Variants in CHCHD3 observed in about 807,000 individuals in gnomAD.
CHCHD3 encodes the protein MICOS complex subunit MIC19.
A neutral mutation model predicts 38.2 loss-of-function variants in CHCHD3; 20 were observed. The ratio of observed to expected loss-of-function variants is 0.52; its 90% CI spans 0.37 to 0.76. CHCHD3 has a LOEUF of 0.76. CHCHD3 is among the 30% of genes least tolerant of loss of function. CHCHD3 has a pLI of 0.00. For synonymous variants in CHCHD3, 82 were observed against 100.0 expected (o/e 0.82, Z 1.07); for missense variants, 245 against 279.2 (o/e 0.88, Z 0.87).
intron 4 of CHCHD3, among the ~76,000 whole-genome samples, chr7:132,974,518 G>A (rs971299329): frequency 1.2e-4 from 19 of 152,062 alleles, no homozygotes; most frequent in Non-Finnish European, 2.4e-4. Flanking sequence ...AGCCACGAGA[G>A]AAAGAAGCCT....
At chr7:133,046,571 G>C (rs55716595) in intron 2 of CHCHD3, among the ~76,000 whole-genome samples, 2 of 68,806 alleles carry the variant, frequency 2.9e-5, no homozygotes, top group Non-Finnish European at 6.9e-5. Context: ...GTATTTTTTT[G>C]GGGGGGGGAG....
chr7:133,049,897 C>G (rs1002198338), intron 2 of CHCHD3, among the ~76,000 whole-genome samples: 3 of 152,214 alleles, frequency 2.0e-5, no homozygotes, highest in Non-Finnish European at 4.4e-5. Flanking sequence ...CTTTTTACAG[C>G]TAGTGCACTG....
At chr7:132,815,481 G>T (rs973818898) in intron 6 of CHCHD3, 1 of 447,522 alleles carries the variant, frequency 2.2e-6, no homozygotes, top group Non-Finnish European at 4.5e-6. Flanking sequence ...TTACCTTTTA[G>T]GTCCCTGCAA....
At chr7:132,980,075 G>A (rs1174169720) in intron 3 of CHCHD3, among the ~76,000 whole-genome samples, 1 of 152,206 alleles carries the variant, frequency 6.6e-6, no homozygotes, top group Admixed American at 6.5e-5. Flanking sequence ...GCAAAAGGTA[G>A]ATGAGCTGTC....
chr7:132,848,984 A>G (rs1321218053), intron 5 of CHCHD3: 2 of 152,210 alleles, frequency 1.3e-5, no homozygotes, highest in Non-Finnish European at 2.9e-5. Flanking sequence ...GTTCATATTC[A>G]CAGTATATCA....
At chr7:132,807,659 C>A (rs1320543966) in intron 6 of CHCHD3, among the ~76,000 whole-genome samples, 2 of 123,904 alleles carry the variant, frequency 1.6e-5, no homozygotes, top group African/African-American at 5.8e-5. Flanking sequence ...GACATAAATA[C>A]CTACACTTGA....
At chr7:132,963,349 T>G (rs1213631170) in intron 4 of CHCHD3, among the ~76,000 whole-genome samples, 1 of 144,678 alleles carries the variant, frequency 6.9e-6, no homozygotes, top group Non-Finnish European at 1.5e-5. Flanking sequence ...TTTTTTTTTT[T>G]TGCCAGGCAC....
intron 7 of CHCHD3, among the ~76,000 whole-genome samples, chr7:132,789,901 G>A (rs1054505352): frequency 6.6e-6 from 1 of 152,098 alleles, no homozygotes; most frequent in African/African-American, 2.4e-5. Context: ...TACTAAGGAG[G>A]GTCAGGAAAA....
chr7:132,929,482 T>C (rs1181462776), intron 4 of CHCHD3, among the ~76,000 whole-genome samples: 1 of 152,178 alleles, frequency 6.6e-6, no homozygotes, highest in East Asian at 1.9e-4. Context: ...TTCTTGGCAA[T>C]CTCACCCATT....
intron 5 of CHCHD3, among the ~76,000 whole-genome samples, chr7:132,866,091 T>C (rs1179426156): frequency 2.0e-5 from 3 of 152,152 alleles, no homozygotes; most frequent in Non-Finnish European, 4.4e-5. Flanking sequence ...TGGACAACGT[T>C]AAAGGAGGAA....
intron 2 of CHCHD3, among the ~76,000 whole-genome samples, chr7:133,041,197 C>A (rs1813828056): frequency 6.6e-6 from 1 of 152,120 alleles, no homozygotes; most frequent in Non-Finnish European, 1.5e-5. Flanking sequence ...ATACAAGTAT[C>A]CAGGTAATAA....
At position 133,035,935 on chromosome 7, in the gene CHCHD3, G is replaced by T; in HGVS notation, c.170-11308C>A. 1 of 1,536,466 alleles carries T rather than the reference G, an allele frequency of 6.5e-7. No homozygotes were observed. The highest frequency in any genetic ancestry group is 9.0e-7 in the Non-Finnish European group (1 of 1,116,668). On this transcript the variant is annotated intron_variant, in intron 2 of 7. Transcript: ENST00000262570. The surrounding 1 kb of genome is among the most constrained non-coding windows in gnomAD (Gnocchi z 4.7). ...CCAGCCGCCATGGTGATTCCGCAAAGAAAGGCTGGATCCAGTCTTAAAAGT... is the reference window on the plus strand; with the variant it reads ...CCAGCCGCCATGGTGATTCCGCAAATAAAGGCTGGATCCAGTCTTAAAAGT...
At chr7:132,992,444 G>A (rs1483189838) in intron 3 of CHCHD3, among the ~76,000 whole-genome samples, 1 of 152,026 alleles carries the variant, frequency 6.6e-6, no homozygotes, top group African/African-American at 2.4e-5. Flanking sequence ...AAGCTTTAAT[G>A]TTTTAACAAC....
At chr7:132,948,625 T>A (rs1292845232) in intron 4 of CHCHD3, among the ~76,000 whole-genome samples, 2 of 152,168 alleles carry the variant, frequency 1.3e-5, no homozygotes, top group African/African-American at 4.8e-5. Context: ...GAAAATCAAC[T>A]ACTAGTGTTC....
chr7:132,872,128 T>C (rs1378894949), intron 5 of CHCHD3, among the ~76,000 whole-genome samples: 1 of 152,182 alleles, frequency 6.6e-6, no homozygotes, highest in East Asian at 1.9e-4. Context: ...GGTCATTAAT[T>C]ACTAAAGTTA....
At chr7:132,886,824 C>G (rs997531741) in intron 4 of CHCHD3, 4 of 396,632 alleles carry the variant, frequency 1.0e-5, no homozygotes, top group Non-Finnish European at 1.8e-5. Flanking sequence ...TATATTTAGG[C>G]ATTCCCATCC....
At chr7:132,858,965 G>T (rs1444159698) in intron 5 of CHCHD3, among the ~76,000 whole-genome samples, 1 of 152,094 alleles carries the variant, frequency 6.6e-6, no homozygotes, top group Non-Finnish European at 1.5e-5. Context: ...AATTTACCAG[G>T]TCATTTGAGC....
intron 3 of CHCHD3, among the ~76,000 whole-genome samples, chr7:132,978,294 T>C (rs1811825175): frequency 1.3e-5 from 2 of 152,166 alleles, no homozygotes; most frequent in African/African-American, 4.8e-5. Context: ...TTTCCAATTT[T>C]TCACCAATAA....
In CHCHD3 at chr7:132,889,335, C is replaced by CA. The variant is rs776151778; in HGVS notation, c.370-3591dup. On this transcript the variant is annotated intron_variant, in intron 4 of 7. Coordinates refer to ENST00000262570, the MANE Select transcript of CHCHD3 (RefSeq NM_017812.4). The stretch of plus-strand genomic sequence containing the variant: ...TCACAAAGTGAGATTTTTTAAAATG[C>CA]AAAAAAAATCATAATGGATATTCCA... 1.9e-3 allele frequency among the ~76,000 whole-genome samples: 288 copies of CA among 151,134 alleles called. 5 individuals carry two copies. The Middle Eastern group carries it at 0.024, about 13-fold the overall frequency.
Sources: allele counts gnomAD v4.1 joint callset (sites outside exome capture counted in the v4.1 genomes callset), GRCh38; gene constraint gnomAD v4.1.1; non-coding constraint Gnocchi (gnomAD v3.1); transcripts MANE v1.5; gene names NCBI Gene and HGNC (gene_info 2026-07-23, HGNC 2026-07-21).